Variants in NRG3 observed in about 807,000 individuals in gnomAD.
The protein encoded by NRG3 is neuregulin 3, also known as pro-neuregulin-3, membrane-bound isoform.
A neutral mutation model predicts 66.9 loss-of-function variants in NRG3; 31 were observed. The observed-to-expected ratio is 0.46, with a 90% CI of 0.35 to 0.63. The LOEUF (loss-of-function observed/expected upper bound fraction) is 0.63. Ranked by LOEUF, NRG3 falls within the 20% of genes least tolerant of loss-of-function variation. The probability of loss-of-function intolerance (pLI) is 0.00; values close to 1 mark genes in which losing one functional copy is unlikely to be tolerated. For synonymous variants in NRG3, 393 were observed against 359.4 expected (o/e 1.09, Z -1.06); for missense variants, 910 against 878.9 (o/e 1.04, Z -0.45).
chr10:82,281,370 G>A (rs772058394), intron 1 of NRG3, among the ~76,000 whole-genome samples: 4 of 152,068 alleles, frequency 2.6e-5, no homozygotes, highest in Non-Finnish European at 5.9e-5. Context: ...TAGAACAACA[G>A]GATATCCTCT....
chr10:82,290,982 A>G (rs1228799873), intron 1 of NRG3, among the ~76,000 whole-genome samples: 2 of 151,926 alleles, frequency 1.3e-5, no homozygotes, highest in Non-Finnish European at 2.9e-5. Context: ...ACACACAAAC[A>G]CACACACATA....
chr10:82,929,374 GT>G (rs1329787874), intron 4 of NRG3, among the ~76,000 whole-genome samples: 1 of 152,076 alleles, frequency 6.6e-6, no homozygotes, highest in Non-Finnish European at 1.5e-5. Context: ...TGCAAGTACC[GT>G]TTTACCTTTC....
intron 2 of NRG3, among the ~76,000 whole-genome samples, chr10:82,484,544 C>A (rs555057062): frequency 3.9e-5 from 6 of 152,150 alleles, no homozygotes; most frequent in Non-Finnish European, 7.4e-5. Flanking sequence ...TTAAAAAATT[C>A]TTGTCTGTTT....
chr10:82,134,316 G>A (rs534305377), intron 1 of NRG3, among the ~76,000 whole-genome samples: 185 of 152,190 alleles, frequency 1.2e-3, no homozygotes, highest in African/African-American at 4.3e-3. Context: ...TTTGGTGTCT[G>A]TCATGAAATT....
At chr10:82,546,314 T>C (rs2043911512) in intron 2 of NRG3, among the ~76,000 whole-genome samples, 1 of 152,202 alleles carries the variant, frequency 6.6e-6, no homozygotes, top group South Asian at 2.1e-4. Flanking sequence ...TAATTAATAA[T>C]TGCAATGTTA....
chr10:82,505,257 T>C (rs185662912), intron 2 of NRG3, among the ~76,000 whole-genome samples: 1 of 152,338 alleles, frequency 6.6e-6, no homozygotes, highest in Non-Finnish European at 1.5e-5. Context: ...GAAAGAATCC[T>C]AGCTGTTCAC....
At chr10:82,376,850 C>T (rs1232041097) in intron 2 of NRG3, among the ~76,000 whole-genome samples, 2 of 152,180 alleles carry the variant, frequency 1.3e-5, no homozygotes, top group Non-Finnish European at 2.9e-5. Flanking sequence ...TCATTGAGTA[C>T]CTGCTCTCTG....
chr10:82,343,786 C>G (rs1329428584), intron 1 of NRG3, among the ~76,000 whole-genome samples: 1 of 151,878 alleles, frequency 6.6e-6, no homozygotes, highest in Non-Finnish European at 1.5e-5. Context: ...AATTGTCCCC[C>G]CAATGCCACC....
At chr10:82,533,872 C>G (rs1488659903) in intron 2 of NRG3, among the ~76,000 whole-genome samples, 1 of 151,966 alleles carries the variant, frequency 6.6e-6, no homozygotes, top group Non-Finnish European at 1.5e-5. Context: ...ATAAGAAGAA[C>G]AACAACAAAA....
chr10:81,910,622 C>A (rs1351951748), intron 1 of NRG3, among the ~76,000 whole-genome samples: 1 of 152,086 alleles, frequency 6.6e-6, no homozygotes, highest in Non-Finnish European at 1.5e-5. Context: ...AACTAAGGAG[C>A]ACAATTATTT....
At chr10:82,837,112 T>C (rs2062821718) in intron 3 of NRG3, among the ~76,000 whole-genome samples, 1 of 152,206 alleles carries the variant, frequency 6.6e-6, no homozygotes, top group South Asian at 2.1e-4. Context: ...ATGGTGTACA[T>C]GTGCCACATT....
intron 1 of NRG3, among the ~76,000 whole-genome samples, chr10:82,085,574 T>C (rs2065669434): frequency 6.6e-6 from 1 of 152,000 alleles, no homozygotes; most frequent in African/African-American, 2.4e-5. Flanking sequence ...CACACTTTTA[T>C]TAGGAACCCC....
intron 2 of NRG3, among the ~76,000 whole-genome samples, chr10:82,695,568 G>T (rs553441884): frequency 1.3e-5 from 2 of 152,124 alleles, no homozygotes; most frequent in East Asian, 3.9e-4. Context: ...AGGGCTAGAA[G>T]AAAATTTTTG....
At chr10:82,360,061 C>T (rs1050421761) in intron 2 of NRG3, among the ~76,000 whole-genome samples, 7 of 152,168 alleles carry the variant, frequency 4.6e-5, no homozygotes, top group African/African-American at 1.4e-4. Flanking sequence ...GAACTGTGAC[C>T]TTTCCTCACC....
intron 1 of NRG3, among the ~76,000 whole-genome samples, chr10:82,146,186 T>C (rs1390206431): frequency 6.6e-6 from 1 of 152,178 alleles, no homozygotes; most frequent in Non-Finnish European, 1.5e-5. Context: ...AAAGAGAATG[T>C]TGGGACAGAG....
chr10:82,954,163 C>T (rs531469766), intron 5 of NRG3, among the ~76,000 whole-genome samples: 1 of 151,996 alleles, frequency 6.6e-6, no homozygotes, highest in Non-Finnish European at 1.5e-5. Context: ...AAGTGTCTCC[C>T]TGCTAGAGCT....
At chr10:82,800,096 C>A (rs566940912) in intron 3 of NRG3, among the ~76,000 whole-genome samples, 2 of 152,052 alleles carry the variant, frequency 1.3e-5, no homozygotes, top group African/African-American at 4.8e-5. Context: ...GGATTTATAG[C>A]CGGTTTCTGA....
chr10:82,450,170 G>T (rs1460274526), intron 2 of NRG3, among the ~76,000 whole-genome samples: 1 of 152,150 alleles, frequency 6.6e-6, no homozygotes, highest in African/African-American at 2.4e-5. Flanking sequence ...CATAAATCCT[G>T]CAGTGAAGAA....
At chr10:82,232,421 A>G in intron 1 of NRG3, 1 of 213,474 alleles carries the variant, frequency 4.7e-6, no homozygotes. Context: ...AAAATCCTGT[A>G]TGTTGTCCTT....
Sources: allele counts gnomAD v4.1 joint callset (sites outside exome capture counted in the v4.1 genomes callset), GRCh38; gene constraint gnomAD v4.1.1; transcripts MANE v1.5; gene names NCBI Gene and HGNC (gene_info 2026-07-23, HGNC 2026-07-21).